Variants in SSX1 observed in about 807,000 individuals in gnomAD.
SSX1 encodes the protein protein SSX1.
SSX1 carries 58 observed loss-of-function variants against 14.6 expected under a neutral mutation model. The ratio of observed to expected loss-of-function variants is 3.96; its 90% CI spans 3.21 to 4.93. The LOEUF (loss-of-function observed/expected upper bound fraction) is 4.93, where lower values mean the gene tolerates loss of function less well. Among genes scored for constraint, SSX1 ranks in the 30% most tolerant of loss-of-function variants. SSX1 has a pLI of 0.00. For synonymous variants in SSX1, 46 were observed against 52.1 expected (o/e 0.88, Z 0.50); for missense variants, 272 against 143.1 (o/e 1.90, Z -4.60).
chrX:48,263,798 C>G lies in SSX1; in HGVS notation c.347C>G (p.Pro116Arg), dbSNP rs145315239. 10 of 1,209,622 alleles carry G rather than the reference C, an allele frequency of 8.3e-6. No homozygotes were observed. The highest frequency in any genetic ancestry group is 1.0e-5 in the Non-Finnish European group (9 of 895,115). The stretch of plus-strand genomic sequence containing the variant: ...ATTATAAAGATCATGCCCAAGAAGC[C>G]AGCAGAGGACGAAAATGATTCGAAG... ...RIIPKIMPKK[P>R]AEDENDSKGV... The change falls in exon 6 of 8, where the codon CCA becomes CGA. Residue 116 changes from proline to arginine, a missense_variant. Transcript: ENST00000376919.
intron 1 of SSX1, among the ~76,000 whole-genome samples, chrX:48,256,560 C>T (rs1316703984): frequency 9.5e-6 from 1 of 105,451 alleles, no homozygotes; most frequent in Non-Finnish European, 1.9e-5. Flanking sequence ...CTCGGCCTCC[C>T]AAAATGCTGG....
chrX:48,255,631 G>GTTT (rs1224585882), intron 1 of SSX1, among the ~76,000 whole-genome samples, 199 bp downstream of exon 1: 1 of 84,600 alleles, frequency 1.2e-5, no homozygotes, highest in Non-Finnish European at 2.4e-5. Context: ...TCCCACCCCT[G>GTTT]TTTTTTTTTT....
At chrX:48,256,868 C>T (rs1223986778) in intron 1 of SSX1, among the ~76,000 whole-genome samples, 2 of 109,523 alleles carry the variant, frequency 1.8e-5, no homozygotes, top group Non-Finnish European at 3.8e-5. Context: ...GTCAGAACGC[C>T]CCCATTCAAT....
Position 48,257,745 on chromosome X carries a change from G to C in SSX1, c.70-1G>C. ...GACAAATTTTATTTTATTTTTTTTA[G>C]GCCTTTGATGATATTGCCACATACT... On this transcript the variant is annotated splice_acceptor_variant, in intron 2 of 7. Coordinates refer to ENST00000376919, the MANE Select transcript of SSX1 (RefSeq NM_005635.4). LOFTEE classifies it high-confidence loss of function. 2 of 1,193,390 alleles carry C rather than the reference G, an allele frequency of 1.7e-6. No homozygotes were observed. Among genetic ancestry groups the C allele is most frequent in the Non-Finnish European group, 2.3e-6 (2 of 883,062 alleles).
rs371197574 is a variant in SSX1, at chrX:48,257,220, A to G, written c.-20-2A>G. On this transcript the variant is annotated splice_acceptor_variant, in intron 1 of 7. Coordinates refer to ENST00000376919, the MANE Select transcript of SSX1 (RefSeq NM_005635.4). LOFTEE classifies it low-confidence loss of function (5UTR_SPLICE). ...GAAAGTCTCAGGCTGTTTCTCTTGC[A>G]GGTGAGACTGCTCCTGGTGCCATGA... The G allele has an allele frequency of 5.8e-6, 7 of 1,209,366 alleles. No individual in the cohort carries two copies. Among genetic ancestry groups the G allele is most frequent in the South Asian group, 1.8e-5 (1 of 56,923 alleles).
At chrX:48,263,507 A>G (rs180700490) in intron 5 of SSX1, among the ~76,000 whole-genome samples, 14 of 111,313 alleles carry the variant, frequency 1.3e-4, no homozygotes, top group African/African-American at 4.2e-4. Flanking sequence ...TATTCTGTGT[A>G]CTACACTCTC....
At chrX:48,261,554 T>G (rs2059603786) in intron 4 of SSX1, among the ~76,000 whole-genome samples, 2 of 112,340 alleles carry the variant, frequency 1.8e-5, no homozygotes. Context: ...TAACCCCCAT[T>G]TGAGAAACCA....
rs1476432629 is a variant in SSX1 at position 48,267,037 on chromosome X, T to C, written c.*188T>C. 7.9e-6 allele frequency: 4 copies of C among 508,163 alleles called. No individual in the cohort carries two copies. The highest frequency in any genetic ancestry group is 6.9e-5 in the African/African-American group (3 of 43,206). 41.9% of individuals were successfully genotyped at this position (508,163 alleles called of 1,213,427 possible). A position where few individuals can be genotyped will look rare whatever the true frequency, so the allele number is the denominator to read the frequency against. ...GAGTTCGATGTTAGTGTTTCCATTGTATTTTCTTACAGTGTGCCATTCTGT... is the reference window on the plus strand; with the variant it reads ...GAGTTCGATGTTAGTGTTTCCATTGCATTTTCTTACAGTGTGCCATTCTGT... On this transcript the variant is annotated 3_prime_UTR_variant, in exon 8 of 8. Transcript: ENST00000376919.
At position 48,267,150 on chromosome X, in the gene SSX1, A is replaced by C. The variant is rs1556936615; in HGVS notation, c.*301A>C. ...CATGCACCTACGTCAGAAAACAAGT[A>C]TTGTCAGGTATTCTCTCCATAGAAC... On this transcript the variant is annotated 3_prime_UTR_variant, in exon 8 of 8. Transcript: ENST00000376919. 1.9e-5 allele frequency: 7 copies of C among 362,619 alleles called. No individual in the cohort carries two copies. The highest frequency in any genetic ancestry group is 3.5e-5 in the South Asian group (1 of 28,950). 29.9% of individuals were successfully genotyped at this position (362,619 alleles called of 1,213,427 possible).
rs201360957 is a variant in SSX1 at position 48,257,864 on chromosome X, A to G, written c.184+4A>G. ...TATAAGGCCATGACTAAACTAGGTA[A>G]CAGAAAGTTCTAGGAACAGACAAGT... On this transcript the variant is annotated splice_donor_region_variant and intron_variant, in intron 3 of 7. Coordinates refer to ENST00000376919, the MANE Select transcript of SSX1 (RefSeq NM_005635.4). 985 of 1,128,753 alleles carry G rather than the reference A, an allele frequency of 8.7e-4. No individual in the cohort carries two copies. The highest frequency in any genetic ancestry group is 9.6e-4 in the Non-Finnish European group (798 of 828,029). The allele number at this position is 1,128,753 out of a possible 1,213,427, so 93.0% of individuals were successfully genotyped here.
chrX:48,258,138 C>T, intron 3 of SSX1, among the ~76,000 whole-genome samples: 1 of 105,990 alleles, frequency 9.4e-6, no homozygotes, highest in Admixed American at 1.0e-4. Context: ...CAGCACACCT[C>T]CCACCCTACC....
chrX:48,266,237 A>G, intron 6 of SSX1, 50 bp from the exon 7 acceptor site: 1 of 1,209,331 alleles, frequency 8.3e-7, no homozygotes, highest in African/African-American at 1.7e-5. Context: ...ACAGAGCCTA[A>G]CACTCTTCAA....
intron 4 of SSX1, among the ~76,000 whole-genome samples, chrX:48,260,124 A>G (rs2059599062): frequency 1.0e-5 from 1 of 97,389 alleles, no homozygotes; most frequent in South Asian, 5.1e-4. Context: ...TTGTTTCCTG[A>G]CTTTTTAATG....
At chrX:48,262,384 T>C (rs2059607172) in intron 5 of SSX1, among the ~76,000 whole-genome samples, 2 of 112,274 alleles carry the variant, frequency 1.8e-5, no homozygotes, top group South Asian at 7.4e-4. Flanking sequence ...GTTTATGAAG[T>C]TCAGATGTTG....
Position 48,257,915 on chromosome X carries a change from C to G in SSX1, c.184+55C>G, listed in dbSNP as rs370151208. On this transcript the variant is annotated intron_variant, in intron 3 of 7. Coordinates refer to ENST00000376919, the MANE Select transcript of SSX1 (RefSeq NM_005635.4). ...CTGGGGATACATGAGCATCCCTTTT[C>G]CTGCTTTGGCTACTTCTTAGGCTGC... 2.7e-5 allele frequency: 21 copies of G among 776,945 alleles called. No homozygotes were observed. The East Asian group carries it at 5.0e-4, about 18-fold the overall frequency. The allele number at this position is 776,945 out of a possible 1,213,427, so 64.0% of individuals were successfully genotyped here.
intron 5 of SSX1, among the ~76,000 whole-genome samples, chrX:48,263,180 G>A (rs1181550251): frequency 2.7e-5 from 3 of 110,760 alleles, no homozygotes; most frequent in African/African-American, 9.8e-5. Context: ...ACACATCCCA[G>A]TGTAACCAGA....
rs782111381 is a variant in SSX1 at position 48,263,820 on chromosome X, G to A, written c.369G>A (p.Ser123=). ...AGCCAGCAGAGGACGAAAATGATTC[G>A]AAGGGAGTGTCAGAAGCATCTGGCC... ...PKKPAEDEND[S]KGVSEASGPQ... Residue 123 remains serine, a synonymous_variant, in exon 6 of 8, where the codon TCG becomes TCA. Coordinates refer to ENST00000376919, the MANE Select transcript of SSX1 (RefSeq NM_005635.4). 3.3e-6 allele frequency: 4 copies of A among 1,209,847 alleles called. No homozygotes were observed. Among genetic ancestry groups the A allele is most frequent in the African/African-American group, 3.5e-5 (2 of 57,205 alleles).
chrX:48,265,535 GTTCGTTATC>G (rs2059619873), intron 6 of SSX1, among the ~76,000 whole-genome samples: 1 of 50,274 alleles, frequency 2.0e-5, no homozygotes, highest in Non-Finnish European at 5.2e-5. Flanking sequence ...GATCAATTAC[GTTCGTTATC>G]TTCTCTAGGT....
At position 48,261,822 on chromosome X, in the gene SSX1, ATC is replaced by A. The variant is rs2059605087; in HGVS notation, c.330+12_330+13del. Reference sequence around the variant, plus strand: ...CCACAGAATCATCCCGAAGGTGAGTATCTCTCAAATCTAAAGGACCAGAGAAC... The same window carrying A: ...CCACAGAATCATCCCGAAGGTGAGTATCTCAAATCTAAAGGACCAGAGAAC... On this transcript the variant is annotated splice_region_variant and intron_variant, in intron 5 of 7. Transcript: ENST00000376919. The A allele has an allele frequency of 2.5e-6, 3 of 1,209,256 alleles. No individual in the cohort carries two copies. The highest frequency in any genetic ancestry group is 3.4e-6 in the Non-Finnish European group (3 of 893,549).
Sources: allele counts gnomAD v4.1 joint callset (sites outside exome capture counted in the v4.1 genomes callset), GRCh38; gene constraint gnomAD v4.1.1; transcripts MANE v1.5; gene names NCBI Gene and HGNC (gene_info 2026-07-23, HGNC 2026-07-21).